Variants in TENM3 observed in about 807,000 individuals in gnomAD.
TENM3 encodes the protein teneurin-3.
Under a neutral mutation model 255.1 loss-of-function variants are expected in TENM3, and 63 were observed. The ratio of observed to expected loss-of-function variants is 0.25; its 90% CI spans 0.20 to 0.30. The LOEUF is 0.30. Ranked by LOEUF, TENM3 falls within the 10% of genes least tolerant of loss-of-function variation. The probability of loss-of-function intolerance (pLI) is 1.00; values close to 1 mark genes in which losing one functional copy is unlikely to be tolerated. For missense variants in TENM3, 2,929 were observed against 3,461.1 expected, an observed-to-expected ratio of 0.85 and a Z score of 3.86; for synonymous variants, 1,306 against 1,322.3, an observed-to-expected ratio of 0.99 and a Z score of 0.27.
chr4:182,069,561 T>A, the TENM3 span, among the ~76,000 whole-genome samples: 1 of 152,270 alleles, frequency 6.6e-6, no homozygotes, highest in African/African-American at 2.4e-5. Context: ...TCAGATTTAG[T>A]CTTGTGTTCA....
intron 1 of TENM3, among the ~76,000 whole-genome samples, chr4:182,292,441 T>C (rs538918979): frequency 1.4e-4 from 21 of 152,352 alleles, no homozygotes; most frequent in African/African-American, 4.6e-4. Flanking sequence ...GGAGTGGAGA[T>C]GTTTCCCTAA....
At chr4:181,877,517 A>G in the TENM3 span, among the ~76,000 whole-genome samples, 1 of 152,156 alleles carries the variant, frequency 6.6e-6, no homozygotes, top group South Asian at 2.1e-4. Context: ...GTCAGCATTT[A>G]TGTTTATCCA....
the TENM3 span, among the ~76,000 whole-genome samples, chr4:181,938,889 TG>T: frequency 4.6e-5 from 7 of 152,228 alleles, no homozygotes; most frequent in African/African-American, 1.4e-4. Flanking sequence ...AAAGGGCTTT[TG>T]GAAAAGGCTC....
chr4:181,462,978 C>G, the TENM3 span, among the ~76,000 whole-genome samples: 4 of 152,188 alleles, frequency 2.6e-5, no homozygotes, highest in Admixed American at 6.5e-5. Context: ...CCACAGCAAA[C>G]GAACAGCTGG....
chr4:182,424,361 C>T (rs927049568), intron 3 of TENM3, among the ~76,000 whole-genome samples: 15 of 152,142 alleles, frequency 9.9e-5, no homozygotes, highest in African/African-American at 1.4e-4. Context: ...TGATCTTTCC[C>T]AGATTTGAGT....
the TENM3 span, among the ~76,000 whole-genome samples, chr4:181,893,788 A>C: frequency 6.6e-6 from 1 of 152,154 alleles, no homozygotes; most frequent in Non-Finnish European, 1.5e-5. Flanking sequence ...AAAATGTTTT[A>C]GCAACACAAG....
chr4:181,990,693 G>A, the TENM3 span, among the ~76,000 whole-genome samples: 2 of 152,086 alleles, frequency 1.3e-5, no homozygotes, highest in East Asian at 3.9e-4. Flanking sequence ...ATCAATGGAT[G>A]GCTGCTGCTA....
Position 182,754,477 on chromosome 4 carries a change from A to C in TENM3, c.4110A>C (p.Glu1370Asp). 1 of 1,613,256 alleles carries C rather than the reference A, an allele frequency of 6.2e-7. No homozygotes were observed. The highest frequency in any genetic ancestry group is 8.5e-7 in the Non-Finnish European group (1 of 1,179,578). Reference protein sequence around the residue: ...LDNNVVLQITENRQVRIAAGR... With the variant: ...LDNNVVLQITDNRQVRIAAGR... ...ATAATGTAGTTTTACAGATCACTGA[A>C]AATCGTCAAGTTCGCATTGCTGCTG... The change falls in exon 22 of 28, where the codon GAA becomes GAC. Residue 1370 changes from glutamate (E) to aspartate (D), a missense_variant. Transcript: ENST00000511685. The surrounding 1 kb of genome is among the most constrained non-coding windows in gnomAD (Gnocchi z 5.1).
chr4:182,375,507 T>G (rs2309652), intron 3 of TENM3, among the ~76,000 whole-genome samples: 1,777 of 152,270 alleles, frequency 0.012, 32 homozygotes, highest in African/African-American at 0.041. Context: ...GTAAAAATAT[T>G]TTTTAAGGAG....
At chr4:181,569,822 G>A in the TENM3 span, among the ~76,000 whole-genome samples, 1 of 152,128 alleles carries the variant, frequency 6.6e-6, no homozygotes, top group African/African-American at 2.4e-5. Flanking sequence ...TCTTTCTCAG[G>A]ACTGACATTT....
chr4:181,711,706 G>A, the TENM3 span, among the ~76,000 whole-genome samples: 7 of 152,080 alleles, frequency 4.6e-5, no homozygotes, highest in Admixed American at 3.9e-4. Flanking sequence ...TTCCTTAGAA[G>A]GCAATATTGT....
intron 1 of TENM3, among the ~76,000 whole-genome samples, chr4:182,178,501 C>T (rs946817632): frequency 2.6e-5 from 4 of 152,264 alleles, no homozygotes; most frequent in Admixed American, 1.3e-4. Context: ...TACAAACACA[C>T]GTACTAACAC....
At chr4:182,432,694 G>A (rs1413292143) in intron 3 of TENM3, among the ~76,000 whole-genome samples, 1 of 152,194 alleles carries the variant, frequency 6.6e-6, no homozygotes, top group Non-Finnish European at 1.5e-5. Context: ...AAATGTCCTG[G>A]CCAAAGTGGT....
upstream of TENM3, among the ~76,000 whole-genome samples, chr4:182,240,679 A>T (rs1377740281): frequency 3.3e-5 from 5 of 152,146 alleles, no homozygotes; most frequent in Non-Finnish European, 7.3e-5. Flanking sequence ...CCACGAGAGC[A>T]GGGAAAGGCA....
chr4:181,466,386 G>T, the TENM3 span, among the ~76,000 whole-genome samples: 1 of 152,080 alleles, frequency 6.6e-6, no homozygotes. Flanking sequence ...AAAGTGCTGG[G>T]ATTACAGGCA....
intron 3 of TENM3, among the ~76,000 whole-genome samples, chr4:182,597,848 C>T (rs972817625): frequency 9.9e-5 from 15 of 152,118 alleles, no homozygotes; most frequent in Admixed American, 3.3e-4. Context: ...ACTGAATCCC[C>T]GGATTTTGCT....
the TENM3 span, among the ~76,000 whole-genome samples, chr4:181,909,750 T>A: frequency 1.3e-5 from 2 of 152,166 alleles, no homozygotes; most frequent in Non-Finnish European, 2.9e-5. Flanking sequence ...AGGTACTTGA[T>A]AAAAGCTGAT....
rs1378083885 is a variant in TENM3, at chr4:182,186,791, A to ATG, written c.-76+42038_-76+42039insGT. ...TATATATATATATATATATATATAT[A>ATG]TATATATATATATATATATATATGG... On this transcript the variant is annotated intron_variant, in intron 1 of 2. Transcript: ENST00000512480. Among the ~76,000 whole-genome samples the ATG allele has an allele frequency of 3.7e-4, 31 of 84,678 alleles. 3 individuals are homozygous for ATG. The Admixed American group carries it at 4.3e-3, about 12-fold the overall frequency. 55.6% of individuals were successfully genotyped at this position (84,678 alleles called of 152,430 possible).
At position 182,680,336 on chromosome 4, in the gene TENM3, G is replaced by C; in HGVS notation, c.1626G>C (p.Pro542=). The part of the protein sequence containing the change: ...TCHCFPGFLG[P]DCSRAACPVL... Reference sequence around the variant, plus strand: ...ATTGTTTTCCAGGATTTCTGGGTCCGGATTGTTCAAGAGGTATGCAAGTTA... The same window carrying C: ...ATTGTTTTCCAGGATTTCTGGGTCCCGATTGTTCAAGAGGTATGCAAGTTA... The change falls in exon 9 of 28, where the codon CCG becomes CCC. Residue 542 remains proline, a synonymous_variant. Coordinates refer to ENST00000511685, the MANE Select transcript of TENM3 (RefSeq NM_001080477.4). 6.2e-7 allele frequency: 1 copy of C among 1,609,446 alleles called. No homozygotes were observed. Among genetic ancestry groups the C allele is most frequent in the Non-Finnish European group, 8.5e-7 (1 of 1,176,810 alleles).
Sources: gnomAD v4.1 joint callset for allele counts (sites outside exome capture counted in the v4.1 genomes callset) on GRCh38, gnomAD v4.1.1 for gene constraint, Gnocchi (gnomAD v3.1) non-coding constraint, MANE v1.5 for transcripts, NCBI Gene and HGNC (gene_info 2026-07-23, HGNC 2026-07-21) for gene names.